RGS20: variants seen among roughly 807,000 people sequenced by gnomAD.
The protein encoded by RGS20 is regulator of G protein signaling 20.
RGS20 carries 30 observed loss-of-function variants against 33.6 expected under a neutral mutation model. That is an observed-to-expected ratio of 0.89 (90% confidence interval 0.67 to 1.21). The LOEUF (loss-of-function observed/expected upper bound fraction) is 1.21. Ranked by LOEUF, RGS20 falls within the 50% of genes most tolerant of loss-of-function variation. The pLI is 0.00. For missense variants in RGS20, 472 were observed against 502.4 expected (o/e 0.94, Z 0.58); for synonymous variants, 208 against 197.9 (o/e 1.05, Z -0.43).
At position 53,929,296 on chromosome 8, in the gene RGS20, G is replaced by T. The variant is rs1299515118; in HGVS notation, c.511-10280G>T. On this transcript the variant is annotated intron_variant, in intron 2 of 5. Transcript: ENST00000297313. ...AAATTATATACCTTAAACATGTGCA[G>T]TTTATTGGATGTCTGTTAGACCTCA... Among the ~76,000 whole-genome samples, 3 of 152,158 alleles carry T rather than the reference G, an allele frequency of 2.0e-5. No homozygotes were observed. In the East Asian group the frequency reaches 5.8e-4, roughly 29 times the overall value.
At chr8:53,898,201 T>C (rs1425738510) in intron 2 of RGS20, among the ~76,000 whole-genome samples, 3 of 152,010 alleles carry the variant, frequency 2.0e-5, no homozygotes, top group Admixed American at 6.6e-5. Flanking sequence ...GATGATGAGG[T>C]TGTGTTTCCC....
intron 1 of RGS20, among the ~76,000 whole-genome samples, chr8:53,859,422 A>AT (rs143374320): frequency 0.028 from 4,252 of 152,304 alleles, 164 homozygotes; most frequent in African/African-American, 0.087. Flanking sequence ...CAACTCTCAG[A>AT]TTTTAAATGG....
intron 3 of RGS20, among the ~76,000 whole-genome samples, chr8:53,942,036 G>A (rs1050954314): frequency 6.6e-6 from 1 of 152,224 alleles, no homozygotes. Flanking sequence ...CACTTTGGGA[G>A]GCCGAGGCCG....
intron 2 of RGS20, among the ~76,000 whole-genome samples, chr8:53,883,352 C>G (rs1357146065): frequency 6.6e-5 from 10 of 151,890 alleles, no homozygotes; most frequent in Non-Finnish European, 1.3e-4. Context: ...TTAGTGGAGA[C>G]GGGGTTTCTC....
chr8:53,943,574 A>T (rs1814369622), intron 3 of RGS20, among the ~76,000 whole-genome samples: 2 of 152,326 alleles, frequency 1.3e-5, no homozygotes, highest in South Asian at 4.1e-4. Flanking sequence ...CTGTAACAAT[A>T]ACAGTGGACC....
intron 2 of RGS20, among the ~76,000 whole-genome samples, chr8:53,923,342 C>A (rs1414946614): frequency 6.6e-6 from 1 of 152,124 alleles, no homozygotes; most frequent in Non-Finnish European, 1.5e-5. Context: ...CATTTGTTAT[C>A]CTAGCACTTT....
At position 53,958,326 on chromosome 8, in the gene RGS20, C is replaced by T; in HGVS notation, c.1035C>T (p.Ser345=). The T allele has an allele frequency of 6.2e-7, 1 of 1,613,702 alleles. No homozygotes were observed. Among genetic ancestry groups the T allele is most frequent in the Non-Finnish European group, 8.5e-7 (1 of 1,179,862 alleles). The change falls in exon 6 of 6, where the codon TCC becomes TCT. Residue 345 remains serine, a synonymous_variant. Transcript: ENST00000297313. Reference sequence around the variant, plus strand: ...TCAACAGAAACATGGTGGAGCCATCCCAACACATATTCGATGATGCTCAAC... The same window carrying T: ...TCAACAGAAACATGGTGGAGCCATCTCAACACATATTCGATGATGCTCAAC...
chr8:53,879,614 G>A, intron 2 of RGS20: 2 of 1,474,724 alleles, frequency 1.4e-6, no homozygotes, highest in Non-Finnish European at 9.0e-7. Flanking sequence ...TGAGTACCGT[G>A]GTCTCCACTA....
chr8:53,919,961 A>C (rs1411688845), intron 2 of RGS20, among the ~76,000 whole-genome samples: 1 of 152,086 alleles, frequency 6.6e-6, no homozygotes, highest in Non-Finnish European at 1.5e-5. Flanking sequence ...CTGCAGCCTC[A>C]ACTTCTGGGC....
rs1814790774 is a variant in RGS20, at chr8:53,954,155, G to A, written c.823G>A (p.Ala275Thr). The A allele has an allele frequency of 2.5e-6, 4 of 1,614,004 alleles. No individual in the cohort carries two copies. The highest frequency in any genetic ancestry group is 3.4e-6 in the Non-Finnish European group (4 of 1,179,898). Residue 275 changes from alanine (A) to threonine (T), a missense_variant, in exon 5 of 6, where the codon GCA (alanine) becomes ACA (threonine). Physicochemically the swap from Ala to Thr is moderately conservative, Grantham distance 58 (BLOSUM62 0). Around this residue, in one of 3 missense-constraint regions of RGS20, gnomAD observed 125 missense variants for 169.5 expected, o/e 0.74. Transcript: ENST00000297313. ...AATGGTCACTCCAGCAGGAAGGAAT[G>A]CATTCCGTGAATTCCTCCGAACAGA...
intron 1 of RGS20, among the ~76,000 whole-genome samples, chr8:53,878,077 C>T (rs1314285212): frequency 6.6e-6 from 1 of 152,242 alleles, no homozygotes; most frequent in Admixed American, 6.5e-5. Context: ...CGCGCCTCAC[C>T]ACCCCAGCAC....
intron 3 of RGS20, among the ~76,000 whole-genome samples, chr8:53,941,609 G>GA (rs1814299366): frequency 6.6e-6 from 1 of 152,036 alleles, no homozygotes; most frequent in Non-Finnish European, 1.5e-5. Context: ...GACTTTCTTA[G>GA]AAAAAATTAT....
intron 2 of RGS20, among the ~76,000 whole-genome samples, chr8:53,905,880 T>C (rs565530005): frequency 6.6e-6 from 1 of 152,232 alleles, no homozygotes; most frequent in South Asian, 2.1e-4. Context: ...CTTCAGGTTC[T>C]GGAAGCCTAG....
At chr8:53,944,812 G>A (rs919077328) in intron 3 of RGS20, among the ~76,000 whole-genome samples, 1 of 152,090 alleles carries the variant, frequency 6.6e-6, no homozygotes, top group African/African-American at 2.4e-5. Context: ...CAAAACATCT[G>A]AACACACATC....
chr8:53,880,337 C>G (rs532375691), intron 2 of RGS20: 2 of 153,366 alleles, frequency 1.3e-5, no homozygotes, highest in Non-Finnish European at 2.9e-5. Context: ...GGCCTCCGCG[C>G]TCTGGCTAGC....
chr8:53,950,326 G>A (rs1814673855), intron 4 of RGS20, among the ~76,000 whole-genome samples: 1 of 152,128 alleles, frequency 6.6e-6, no homozygotes, highest in Admixed American at 6.6e-5. Context: ...CAAGGAGATT[G>A]AAATACAGTT....
intron 2 of RGS20, among the ~76,000 whole-genome samples, chr8:53,915,704 C>T (rs986995015): frequency 3.9e-5 from 6 of 152,146 alleles, no homozygotes; most frequent in African/African-American, 1.4e-4. Context: ...GCCAGGTTCT[C>T]CCCAGGAGTC....
chr8:53,943,119 T>C (rs996668619), intron 3 of RGS20, among the ~76,000 whole-genome samples: 5 of 152,184 alleles, frequency 3.3e-5, no homozygotes, highest in Non-Finnish European at 7.3e-5. Flanking sequence ...TAATTATGAA[T>C]TGGAATGGTA....
In RGS20 at chr8:53,954,226, G is replaced by C. The variant is rs1814794278; in HGVS notation, c.894G>C (p.Leu298=). The C allele has an allele frequency of 6.2e-7, 1 of 1,613,880 alleles. No individual in the cohort carries two copies. Among genetic ancestry groups the C allele is most frequent in the Non-Finnish European group, 8.5e-7 (1 of 1,179,850 alleles). ...TCTTCTGGATGGCCTGTGAGGAACT[G>C]AAAAAGGAAGCTAATAAAAACATTA... is the stretch of plus-strand genomic sequence containing the variant. Residue 298 remains leucine, a synonymous_variant, in exon 5 of 6, where the codon CTG becomes CTC. Coordinates refer to ENST00000297313, the MANE Select transcript of RGS20 (RefSeq NM_170587.4).
Sources: allele counts gnomAD v4.1 joint callset (sites outside exome capture counted in the v4.1 genomes callset), GRCh38; gene constraint gnomAD v4.1.1; regional missense constraint gnomAD v4.1.1; transcripts MANE v1.5; gene names NCBI Gene and HGNC (gene_info 2026-07-23, HGNC 2026-07-21).